DGKB: variants seen among roughly 807,000 people sequenced by gnomAD.
The protein encoded by DGKB is diacylglycerol kinase beta.
A neutral mutation model predicts 114.3 loss-of-function variants in DGKB; 67 were observed. That is an observed-to-expected ratio of 0.59 (90% CI 0.48 to 0.72). The LOEUF (loss-of-function observed/expected upper bound fraction) is 0.72, where lower values mean the gene tolerates loss of function less well. DGKB is among the 30% of genes least tolerant of loss of function. DGKB has a pLI of 0.00. For missense variants in DGKB, 907 were observed against 975.2 expected, an observed-to-expected ratio of 0.93 and a Z score of 0.93; for synonymous variants, 398 against 323.1, an observed-to-expected ratio of 1.23 and a Z score of -2.49.
chr7:14,864,577 G>A (rs1851446545), intron 1 of DGKB, among the ~76,000 whole-genome samples: 1 of 152,122 alleles, frequency 6.6e-6, no homozygotes, highest in Admixed American at 6.5e-5. Flanking sequence ...GTTATGCCCA[G>A]GTATATTGAG....
chr7:14,583,174 T>C, intron 17 of DGKB, 37 bp from the exon 18 acceptor site: 1 of 1,293,274 alleles, frequency 7.7e-7, no homozygotes, highest in Non-Finnish European at 1.1e-6. Flanking sequence ...TGATTAATAG[T>C]TTAAAAATAA....
intron 2 of DGKB, among the ~76,000 whole-genome samples, chr7:14,760,234 G>A (rs1017396364): frequency 1.3e-5 from 2 of 152,028 alleles, no homozygotes; most frequent in Non-Finnish European, 2.9e-5. Flanking sequence ...TGTGATCAGA[G>A]TTAATTTTTT....
At chr7:14,367,442 G>A (rs1227525895) in intron 21 of DGKB, among the ~76,000 whole-genome samples, 1 of 151,960 alleles carries the variant, frequency 6.6e-6, no homozygotes, top group Non-Finnish European at 1.5e-5. Context: ...CTTGCCTGAT[G>A]CCATGTAAGA....
chr7:14,936,830 G>A (rs36875), intron 1 of DGKB, among the ~76,000 whole-genome samples: 18,637 of 152,138 alleles, frequency 0.12, 1,522 homozygotes, highest in Non-Finnish European at 0.19. Flanking sequence ...ACCTTGAGCA[G>A]TGTTACAAAA....
intron 14 of DGKB, among the ~76,000 whole-genome samples, chr7:14,628,511 T>C (rs1427046211): frequency 6.6e-6 from 1 of 152,202 alleles, no homozygotes; most frequent in Non-Finnish European, 1.5e-5. Context: ...AAAGGCAAGA[T>C]ACCATTTCCA....
intron 1 of DGKB, among the ~76,000 whole-genome samples, chr7:14,843,067 A>G (rs1848156466): frequency 6.6e-6 from 1 of 151,988 alleles, no homozygotes; most frequent in South Asian, 2.1e-4. Context: ...AGTTGGATGT[A>G]GTGGTGCACA....
intron 20 of DGKB, among the ~76,000 whole-genome samples, chr7:14,509,018 A>G (rs532274635): frequency 6.5e-4 from 99 of 152,332 alleles, no homozygotes; most frequent in African/African-American, 2.4e-3. Context: ...GAGTCTTTAC[A>G]TCCTGCCACA....
chr7:14,828,110 A>G (rs1158165096), intron 2 of DGKB, among the ~76,000 whole-genome samples: 1 of 152,136 alleles, frequency 6.6e-6, no homozygotes, highest in Non-Finnish European at 1.5e-5. Context: ...TTAACAACCT[A>G]GACAAGAGCA....
chr7:14,582,400 G>A (rs1219773962), intron 18 of DGKB, among the ~76,000 whole-genome samples: 2 of 152,026 alleles, frequency 1.3e-5, no homozygotes, highest in South Asian at 2.1e-4. Context: ...CATAAAAATC[G>A]AGCGTTTTCA....
chr7:14,706,221 G>C (rs1414508598), intron 6 of DGKB, among the ~76,000 whole-genome samples: 1 of 144,950 alleles, frequency 6.9e-6, no homozygotes, highest in East Asian at 2.0e-4. Context: ...GACAAAGAAG[G>C]CCATTACATA....
chr7:14,181,474 A>G (rs1394628843), intron 23 of DGKB, among the ~76,000 whole-genome samples: 1 of 152,228 alleles, frequency 6.6e-6, no homozygotes, highest in South Asian at 2.1e-4. Context: ...CATTGCCACA[A>G]TCCATTGGTT....
At chr7:14,653,868 T>A (rs181802527) in intron 13 of DGKB, among the ~76,000 whole-genome samples, 2 of 151,976 alleles carry the variant, frequency 1.3e-5, no homozygotes, top group South Asian at 2.1e-4. Flanking sequence ...AAATTGGACA[T>A]AGAATTAGAT....
chr7:14,947,662 A>C (rs926364274), intron 1 of DGKB, among the ~76,000 whole-genome samples: 1 of 144,850 alleles, frequency 6.9e-6, no homozygotes, highest in Admixed American at 7.0e-5. Context: ...TAGGTGTCTT[A>C]ATTTGTATCA....
intron 2 of DGKB, among the ~76,000 whole-genome samples, chr7:14,774,188 A>C (rs1442335028): frequency 2.0e-5 from 3 of 152,214 alleles, no homozygotes; most frequent in Non-Finnish European, 2.9e-5. Context: ...TGTTTCTCTA[A>C]TGGGAAGAGC....
At chr7:14,466,675 G>A (rs2128879092) in intron 21 of DGKB, among the ~76,000 whole-genome samples, 1 of 151,714 alleles carries the variant, frequency 6.6e-6, no homozygotes, top group Non-Finnish European at 1.5e-5. Context: ...AAAATTAGCT[G>A]GGCATGGTGG....
intron 25 of DGKB, among the ~76,000 whole-genome samples, chr7:14,165,019 A>G (rs58114142): frequency 0.15 from 22,432 of 152,104 alleles, 2,762 homozygotes; most frequent in African/African-American, 0.34. Context: ...AGTCACTAAA[A>G]AAGCAAAGAC....
rs552914239 is a variant in DGKB at position 14,149,041 on chromosome 7, G to C, written c.*90C>G. The C allele has an allele frequency of 1.1e-5, 12 of 1,130,790 alleles. No homozygotes were observed. The Admixed American group carries it at 1.6e-4, about 15-fold the overall frequency. The allele number at this position is 1,130,790 out of a possible 1,614,324, so 70.0% of individuals were successfully genotyped here. A position where few individuals can be genotyped will look rare whatever the true frequency, so the allele number is the denominator to read the frequency against. ...CCACTTCCATGATTTTGCATGAGCA[G>C]GAGACTTGAAATGGTTCAAAGATTT... is the stretch of plus-strand genomic sequence containing the variant. On this transcript the variant is annotated 3_prime_UTR_variant, in exon 26 of 26. Transcript: ENST00000402815.
chr7:14,220,646 AT>A, intron 23 of DGKB, among the ~76,000 whole-genome samples: 1 of 151,536 alleles, frequency 6.6e-6, no homozygotes, highest in East Asian at 1.9e-4. Flanking sequence ...CACCTTGTTG[AT>A]TTCTGTAAAG....
intron 23 of DGKB, among the ~76,000 whole-genome samples, chr7:14,256,354 T>C (rs1277040977): frequency 6.6e-6 from 1 of 152,028 alleles, no homozygotes; most frequent in Non-Finnish European, 1.5e-5. Context: ...AGCTCATTAA[T>C]TTTTAATCTT....
Sources: allele counts gnomAD v4.1 joint callset (sites outside exome capture counted in the v4.1 genomes callset), GRCh38; gene constraint gnomAD v4.1.1; transcripts MANE v1.5; gene names NCBI Gene and HGNC (gene_info 2026-07-23, HGNC 2026-07-21).